Variants in STK31 observed in about 807,000 individuals in gnomAD.
STK31 encodes serine/threonine-protein kinase 31.
Under a neutral mutation model 129.7 loss-of-function variants are expected in STK31, and 89 were observed. The ratio of observed to expected loss-of-function variants is 0.69; its 90% CI spans 0.58 to 0.82. The LOEUF (loss-of-function observed/expected upper bound fraction) is 0.82. Ranked by LOEUF, STK31 falls within the 40% of genes least tolerant of loss-of-function variation. STK31 has a pLI of 0.00. For synonymous variants in STK31, 448 were observed against 395.3 expected (o/e 1.13, Z -1.58); for missense variants, 1,187 against 1,176.4 (o/e 1.01, Z -0.13).
At position 23,737,214 on chromosome 7, in the gene STK31, A is replaced by G; in HGVS notation, c.1017+136A>G. ...TTTGCTAATCCCTGTATTTGTTTAT[A>G]GGTGAATTTTTTTTCATATACTCCA... is the stretch of plus-strand genomic sequence containing the variant. On this transcript the variant is annotated intron_variant, in intron 8 of 23. Coordinates refer to ENST00000355870, the MANE Select transcript of STK31 (RefSeq NM_031414.5). 4.0e-6 allele frequency: 3 copies of G among 753,144 alleles called. No individual in the cohort carries two copies. In the East Asian group the frequency reaches 9.8e-5, roughly 25 times the overall value. The allele number at this position is 753,144 out of a possible 1,614,324, so 46.7% of individuals were successfully genotyped here.
intron 11 of STK31, among the ~76,000 whole-genome samples, chr7:23,765,776 G>A (rs7811536): frequency 0.11 from 16,634 of 151,994 alleles, 1,129 homozygotes; most frequent in Non-Finnish European, 0.15. Flanking sequence ...TGAACTCCTG[G>A]CCTCAAGTCA....
intron 22 of STK31, among the ~76,000 whole-genome samples, chr7:23,813,078 C>CTTTTTTTTTTTTTT (rs70956924): frequency 2.2e-4 from 21 of 94,112 alleles, no homozygotes; most frequent in South Asian, 7.9e-4. Context: ...GCTCTCTGTT[C>CTTTTTTTTTTTTTT]TTTTTTTTTT....
chr7:23,761,870 A>G (rs887592078), intron 10 of STK31, among the ~76,000 whole-genome samples: 21 of 149,966 alleles, frequency 1.4e-4, no homozygotes, highest in Non-Finnish European at 2.5e-4. Flanking sequence ...AGTTTTATTT[A>G]TAGTTTTAAA....
intron 10 of STK31, among the ~76,000 whole-genome samples, chr7:23,759,404 A>G (rs1404691932): frequency 1.3e-5 from 2 of 152,246 alleles, no homozygotes; most frequent in African/African-American, 4.8e-5. Flanking sequence ...AGCAAATGCA[A>G]AAGAACTGAA....
At chr7:23,830,106 C>T (rs550730825) in intron 23 of STK31, among the ~76,000 whole-genome samples, 96 of 152,236 alleles carry the variant, frequency 6.3e-4, no homozygotes, top group African/African-American at 2.0e-3. Context: ...CCCGCCACAA[C>T]GCCTAGCTAA....
At chr7:23,758,395 C>G (rs1789242458) in intron 10 of STK31, among the ~76,000 whole-genome samples, 2 of 151,774 alleles carry the variant, frequency 1.3e-5, no homozygotes, top group South Asian at 4.2e-4. Context: ...TGTTTTGTTA[C>G]TTTTTTTAAA....
At chr7:23,771,912 A>G (rs1790223113) in intron 14 of STK31, 2 of 272,886 alleles carry the variant, frequency 7.3e-6, no homozygotes, top group South Asian at 2.1e-4. Context: ...CTCAGTTTGA[A>G]ATATTACTTT....
chr7:23,773,114 A>G (rs1445399907), intron 15 of STK31, among the ~76,000 whole-genome samples: 1 of 152,096 alleles, frequency 6.6e-6, no homozygotes, highest in East Asian at 1.9e-4. Flanking sequence ...TTACATAGGT[A>G]TACACGTGCC....
At chr7:23,776,755 T>G (rs1386586662) in intron 15 of STK31, among the ~76,000 whole-genome samples, 3 of 152,148 alleles carry the variant, frequency 2.0e-5, no homozygotes, top group African/African-American at 7.2e-5. Flanking sequence ...TTTGTTGATC[T>G]TTTCAAAAAA....
intron 17 of STK31, 127 bp downstream of exon 17, chr7:23,783,790 G>A: frequency 2.9e-6 from 2 of 695,698 alleles, no homozygotes; most frequent in Non-Finnish European, 2.3e-6. Flanking sequence ...AATATTTTAT[G>A]GGTATTAGAA....
At chr7:23,777,262 A>G (rs1790612516) in intron 15 of STK31, among the ~76,000 whole-genome samples, 1 of 152,190 alleles carries the variant, frequency 6.6e-6, no homozygotes, top group South Asian at 2.1e-4. Flanking sequence ...CAGTTTTAGA[A>G]TAAGTGTGAT....
chr7:23,780,367 G>A (rs1329107381), intron 15 of STK31, among the ~76,000 whole-genome samples: 1 of 152,174 alleles, frequency 6.6e-6, no homozygotes, highest in African/African-American at 2.4e-5. Context: ...AATTTAGAAA[G>A]TTTGTTTTGC....
chr7:23,716,860 T>TAGACTG lies in STK31; in HGVS notation c.151-621_151-620insAGACTG, dbSNP rs1212989751. Among the ~76,000 whole-genome samples, 41 of 149,660 alleles carry TAGACTG rather than the reference T, an allele frequency of 2.7e-4. 1 individual carries two copies. The highest frequency in any genetic ancestry group is 6.1e-4 in the Admixed American group (9 of 14,850). On this transcript the variant is annotated intron_variant, in intron 3 of 23. Coordinates refer to ENST00000355870, the MANE Select transcript of STK31 (RefSeq NM_031414.5). ...CCAAGGCTAGAGTGCAGTAGTGTGC[T>TAGACTG]CATGGCTCATTGCAGTCTCGAACTT...
chr7:23,808,943 T>TTGTGTGTGTGTGTGTG (rs1554297249), intron 22 of STK31, among the ~76,000 whole-genome samples: 46 of 84,526 alleles, frequency 5.4e-4, no homozygotes, highest in Middle Eastern at 5.2e-3. Context: ...CTTGGAGCTT[T>TTGTGTGTGTGTGTGTG]TGTGTGTGTG....
chr7:23,828,090 G>T (rs1794291137), intron 23 of STK31, among the ~76,000 whole-genome samples: 1 of 152,194 alleles, frequency 6.6e-6, no homozygotes, highest in African/African-American at 2.4e-5. Flanking sequence ...CTCCAGCTGT[G>T]TGCTGGGAGA....
chr7:23,710,321 A>C lies in STK31; in HGVS notation c.36A>C (p.Ala12=), dbSNP rs764581447. 3 of 1,612,978 alleles carry C rather than the reference A, an allele frequency of 1.9e-6. No individual in the cohort carries two copies. The highest frequency in any genetic ancestry group is 2.7e-5 in the African/African-American group (2 of 74,906). Residue 12 remains alanine, a synonymous_variant, in exon 1 of 24, where the codon GCA becomes GCC. Transcript: ENST00000355870. Reference sequence around the variant, plus strand: ...AGGGTCACTCTTCTAGAGCTTCCGCAACGGAAAGTGTGAGGTCAGTAGTAG... The same window carrying C: ...AGGGTCACTCTTCTAGAGCTTCCGCCACGGAAAGTGTGAGGTCAGTAGTAG... The part of the protein sequence containing the change: ...WVQGHSSRAS[A]TESVSFSGIV...
intron 8 of STK31, among the ~76,000 whole-genome samples, chr7:23,738,654 TC>T (rs1276489487): frequency 6.6e-6 from 1 of 152,114 alleles, no homozygotes; most frequent in Non-Finnish European, 1.5e-5. Flanking sequence ...CTTCCCAGGT[TC>T]AAGCGATTCT....
intron 11 of STK31, among the ~76,000 whole-genome samples, chr7:23,767,387 CTT>C (rs1782136533): frequency 6.6e-6 from 1 of 152,150 alleles, no homozygotes; most frequent in South Asian, 2.1e-4. Flanking sequence ...ACTTTTAAGA[CTT>C]TGGATAGGTT....
At chr7:23,791,733 C>T (rs1419733245) in intron 22 of STK31, among the ~76,000 whole-genome samples, 1 of 152,090 alleles carries the variant, frequency 6.6e-6, no homozygotes, top group Non-Finnish European at 1.5e-5. Context: ...CTTTGTTGAT[C>T]ACATAAATAA....
Sources: gnomAD v4.1 joint callset for allele counts (sites outside exome capture counted in the v4.1 genomes callset) on GRCh38, gnomAD v4.1.1 for gene constraint, MANE v1.5 for transcripts, NCBI Gene and HGNC (gene_info 2026-07-23, HGNC 2026-07-21) for gene names.